Variants in IL1RAPL1 observed in about 807,000 individuals in gnomAD.
IL1RAPL1 encodes the protein interleukin-1 receptor accessory protein-like 1.
A neutral mutation model predicts 48.4 loss-of-function variants in IL1RAPL1; 3 were observed. That is an observed-to-expected ratio of 0.06 (90% CI 0.03 to 0.16). The LOEUF is 0.16. Ranked by LOEUF, IL1RAPL1 falls within the 10% of genes least tolerant of loss-of-function variation. IL1RAPL1 has a pLI of 1.00. For synonymous variants in IL1RAPL1, 185 were observed against 187.7 expected, an observed-to-expected ratio of 0.99 and a Z score of 0.12; for missense variants, 349 against 530.6, an observed-to-expected ratio of 0.66 and a Z score of 3.36.
intron 2 of IL1RAPL1, among the ~76,000 whole-genome samples, chrX:29,094,335 A>T (rs1015049042): frequency 1.8e-5 from 2 of 111,762 alleles, no homozygotes; most frequent in Non-Finnish European, 3.8e-5. Flanking sequence ...TATGTAATGC[A>T]TTTCTGAAAT....
chrX:29,254,439 G>T (rs1279826076), intron 2 of IL1RAPL1, among the ~76,000 whole-genome samples: 1 of 108,698 alleles, frequency 9.2e-6, no homozygotes, highest in Non-Finnish European at 1.9e-5. Context: ...GTGTAGATGG[G>T]TTTGTGTGTA....
intron 5 of IL1RAPL1, among the ~76,000 whole-genome samples, chrX:29,418,510 C>T (rs1934252097): frequency 9.0e-6 from 1 of 111,123 alleles, no homozygotes; most frequent in South Asian, 3.7e-4. Context: ...TTTATAAGTC[C>T]ACTACTCAAA....
chrX:29,752,636 G>A (rs776718729), intron 6 of IL1RAPL1, among the ~76,000 whole-genome samples: 174 of 111,213 alleles, frequency 1.6e-3, no homozygotes, highest in Non-Finnish European at 2.7e-3. Flanking sequence ...GGAGATGAGC[G>A]TTCATGTATT....
intron 3 of IL1RAPL1, among the ~76,000 whole-genome samples, chrX:29,371,773 C>A (rs1475250001): frequency 8.9e-6 from 1 of 112,296 alleles, no homozygotes. Context: ...GACATGATTT[C>A]ATTCTTTTTA....
At chrX:28,951,938 T>G (rs1328243168) in intron 2 of IL1RAPL1, among the ~76,000 whole-genome samples, 1 of 111,140 alleles carries the variant, frequency 9.0e-6, no homozygotes, top group Non-Finnish European at 1.9e-5. Flanking sequence ...TGAGGCAGTA[T>G]ATGGTAGATG....
In IL1RAPL1 at chrX:28,755,395, T is replaced by C. The variant is rs754563052; in HGVS notation, c.-24-33925T>C. ...TGTGTAACTTTGAATTAATTAAAATTAAGTAAAATTTAAGATTTAGTTTTT... is the reference window on the plus strand; with the variant it reads ...TGTGTAACTTTGAATTAATTAAAATCAAGTAAAATTTAAGATTTAGTTTTT... On this transcript the variant is annotated intron_variant, in intron 1 of 10. Transcript: ENST00000378993. 1.1e-3 allele frequency among the ~76,000 whole-genome samples: 123 copies of C among 112,532 alleles called. No individual in the cohort carries two copies. The Middle Eastern group carries it at 0.014, about 13-fold the overall frequency.
At chrX:28,725,268 A>G (rs1170812670) in intron 1 of IL1RAPL1, among the ~76,000 whole-genome samples, 2 of 111,003 alleles carry the variant, frequency 1.8e-5, no homozygotes, top group East Asian at 5.7e-4. Flanking sequence ...GTTTTTTAAA[A>G]CACAATCAAA....
intron 5 of IL1RAPL1, among the ~76,000 whole-genome samples, chrX:29,553,752 C>T (rs1337590393): frequency 2.5e-4 from 28 of 111,106 alleles, no homozygotes; most frequent in Non-Finnish European, 2.1e-4. Context: ...ACCAGAGGAT[C>T]AATCTTGGCT....
At chrX:29,607,073 T>C (rs1923915344) in intron 5 of IL1RAPL1, among the ~76,000 whole-genome samples, 1 of 112,139 alleles carries the variant, frequency 8.9e-6, no homozygotes, top group Admixed American at 9.4e-5. Flanking sequence ...GAGTTTTGCA[T>C]GATTTTTAGT....
At chrX:28,907,736 C>G (rs1433279379) in intron 2 of IL1RAPL1, among the ~76,000 whole-genome samples, 1 of 112,135 alleles carries the variant, frequency 8.9e-6, no homozygotes, top group African/African-American at 3.2e-5. Context: ...GGGTTTGGTA[C>G]TAAGTTAATA....
At chrX:28,658,515 C>T (rs886096460) in intron 1 of IL1RAPL1, among the ~76,000 whole-genome samples, 3 of 111,015 alleles carry the variant, frequency 2.7e-5, no homozygotes, top group African/African-American at 9.8e-5. Context: ...CCATGCCTGG[C>T]CCTCCCCAAT....
chrX:29,857,494 G>A (rs931282118), intron 6 of IL1RAPL1, among the ~76,000 whole-genome samples: 3 of 111,772 alleles, frequency 2.7e-5, no homozygotes, highest in Admixed American at 9.5e-5. Context: ...TAAAAATGCT[G>A]AAGACTGCTT....
chrX:29,360,124 A>G lies in IL1RAPL1; in HGVS notation c.363-36134A>G, dbSNP rs1211970971. ...CTTCTTTTCTCTTGAGCTAATATTTATACGCTGATTATGTGCTAGGCATTG... is the reference window on the plus strand; with the variant it reads ...CTTCTTTTCTCTTGAGCTAATATTTGTACGCTGATTATGTGCTAGGCATTG... On this transcript the variant is annotated intron_variant, in intron 3 of 10. Coordinates refer to ENST00000378993, the MANE Select transcript of IL1RAPL1 (RefSeq NM_014271.4). 2.7e-5 allele frequency among the ~76,000 whole-genome samples: 3 copies of G among 112,081 alleles called. No homozygotes were observed. The East Asian group carries it at 8.4e-4, about 31-fold the overall frequency.
At chrX:28,603,371 C>G (rs1486599485) in intron 1 of IL1RAPL1, among the ~76,000 whole-genome samples, 1 of 111,751 alleles carries the variant, frequency 8.9e-6, no homozygotes, top group Non-Finnish European at 1.9e-5. Flanking sequence ...GTTTCAGCAA[C>G]TCCCACTTCG....
At chrX:29,265,640 G>A (rs1382658424) in intron 2 of IL1RAPL1, among the ~76,000 whole-genome samples, 1 of 63,517 alleles carries the variant, frequency 1.6e-5, no homozygotes, top group Admixed American at 2.7e-4. Context: ...CCCCACAACA[G>A]TCCCCAGAGT....
chrX:29,075,935 C>G (rs1449928166), intron 2 of IL1RAPL1, among the ~76,000 whole-genome samples: 1 of 111,397 alleles, frequency 9.0e-6, no homozygotes, highest in Non-Finnish European at 1.9e-5. Flanking sequence ...CTGGAGTATA[C>G]TTGAAACTGT....
At chrX:29,211,738 C>T (rs1361283339) in intron 2 of IL1RAPL1, among the ~76,000 whole-genome samples, 3 of 110,827 alleles carry the variant, frequency 2.7e-5, no homozygotes, top group African/African-American at 6.6e-5. Context: ...CTAATCCGTA[C>T]GAGACTGTAC....
chrX:29,192,693 A>G (rs1475792901), intron 2 of IL1RAPL1, among the ~76,000 whole-genome samples: 4 of 112,120 alleles, frequency 3.6e-5, no homozygotes, highest in African/African-American at 1.3e-4. Context: ...TGATTCCACT[A>G]AAATTATTGA....
intron 2 of IL1RAPL1, among the ~76,000 whole-genome samples, chrX:28,858,768 C>T (rs763602420): frequency 8.9e-6 from 1 of 112,258 alleles, no homozygotes; most frequent in Non-Finnish European, 1.9e-5. Context: ...TCTGCAATAT[C>T]TCCAAGGTAT....
Sources: allele counts gnomAD v4.1 joint callset (sites outside exome capture counted in the v4.1 genomes callset), GRCh38; gene constraint gnomAD v4.1.1; transcripts MANE v1.5; gene names NCBI Gene and HGNC (gene_info 2026-07-23, HGNC 2026-07-21).